The following IPO7 variants were observed in gnomAD, a reference collection of about 807,000 sequenced individuals.
The protein encoded by IPO7 is importin-7.
In IPO7, 13 loss-of-function variants were observed where a neutral mutation model predicts 136.4. The ratio of observed to expected loss-of-function variants is 0.10; its 90% CI spans 0.06 to 0.15. The LOEUF (loss-of-function observed/expected upper bound fraction) is 0.15, where lower values mean the gene tolerates loss of function less well. IPO7 is among the 10% of genes least tolerant of loss of function. The probability of loss-of-function intolerance (pLI) is 1.00; values close to 1 mark genes in which losing one functional copy is unlikely to be tolerated. For synonymous variants in IPO7, 403 were observed against 404.4 expected (o/e 1.00, Z 0.04); for missense variants, 857 against 1,240.6 (o/e 0.69, Z 4.65).
At chr11:9,386,653 T>G (rs563035743) in intron 1 of IPO7, among the ~76,000 whole-genome samples, 1 of 152,302 alleles carries the variant, frequency 6.6e-6, no homozygotes, top group South Asian at 2.1e-4. Context: ...AATTCATTTA[T>G]TCCTCAAATA....
chr11:9,436,385 G>T lies in IPO7; in HGVS notation c.2268+19G>T, dbSNP rs1394335026. 5.2e-6 allele frequency: 8 copies of T among 1,536,630 alleles called. No individual in the cohort carries two copies. ...TGACCAGGTCAGTGAAGCTAATAATGATTTGTAGTTCAGAGGGGTAATCTT... is the reference window on the plus strand; with the variant it reads ...TGACCAGGTCAGTGAAGCTAATAATTATTTGTAGTTCAGAGGGGTAATCTT... On this transcript the variant is annotated intron_variant, in intron 20 of 24. Coordinates refer to ENST00000379719, the MANE Select transcript of IPO7 (RefSeq NM_006391.3).
chr11:9,390,736 G>C (rs967644105), intron 1 of IPO7, among the ~76,000 whole-genome samples: 2 of 139,592 alleles, frequency 1.4e-5, no homozygotes, highest in African/African-American at 5.3e-5. Flanking sequence ...AGGATCGCTC[G>C]TCCAGGAGTT....
At chr11:9,438,999 T>C (rs1487741783) in intron 22 of IPO7, among the ~76,000 whole-genome samples, 2 of 152,176 alleles carry the variant, frequency 1.3e-5, no homozygotes, top group East Asian at 3.9e-4. Context: ...CCCTTTTTTA[T>C]ATGGTGGCAT....
chr11:9,440,637 C>G lies in IPO7; in HGVS notation c.2878C>G (p.Gln960Glu). 6.2e-7 allele frequency: 1 copy of G among 1,612,126 alleles called. No individual in the cohort carries two copies. Among genetic ancestry groups the G allele is most frequent in the Non-Finnish European group, 8.5e-7 (1 of 1,178,344 alleles). ...DDEDNPVDEY[Q>E]IFKAIFQTIQ... The stretch of plus-strand genomic sequence containing the variant: ...TGAAGATAACCCTGTTGATGAGTAT[C>G]AGATATTTAAAGCTATCTTTCAAAG... The change falls in exon 23 of 25, where the codon CAG becomes GAG. Residue 960 changes from glutamine to glutamate, a missense_variant. Transcript: ENST00000379719.
In IPO7 at chr11:9,445,562, A is replaced by C; in HGVS notation, c.*368A>C. On this transcript the variant is annotated 3_prime_UTR_variant, in exon 25 of 25. Coordinates refer to ENST00000379719, the MANE Select transcript of IPO7 (RefSeq NM_006391.3). ...TAGGCATGGGCTACAGGACTATTTA[A>C]AATGTCTCATTTACAGTATAAAACT... The C allele has an allele frequency of 5.9e-6, 1 of 170,762 alleles. No individual in the cohort carries two copies. The allele number at this position is 170,762 out of a possible 1,614,324, so 10.6% of individuals were successfully genotyped here.
At chr11:9,424,522 T>G (rs1394596444) in intron 10 of IPO7, among the ~76,000 whole-genome samples, 1 of 152,140 alleles carries the variant, frequency 6.6e-6, no homozygotes, top group Non-Finnish European at 1.5e-5. Context: ...GGCAGGCAGA[T>G]CGTTTGAGGT....
chr11:9,429,758 C>G lies in IPO7; in HGVS notation c.1676C>G (p.Thr559Ser). 1 of 1,603,196 alleles carries G rather than the reference C, an allele frequency of 6.2e-7. No individual in the cohort carries two copies. Among genetic ancestry groups the G allele is most frequent in the Non-Finnish European group, 8.5e-7 (1 of 1,172,482 alleles). The change falls in exon 15 of 25, where the codon ACC becomes AGC. Residue 559 changes from threonine to serine, a missense_variant. This residue lies in a region of IPO7 where 58 missense variants were observed against 122.1 expected (regional missense o/e 0.47). Coordinates refer to ENST00000379719, the MANE Select transcript of IPO7 (RefSeq NM_006391.3). Reference sequence around the variant, plus strand: ...AGAGAAACAGAAAATGATGACCTTACCAATGTAATTCAGAAAATGATCTGT... The same window carrying G: ...AGAGAAACAGAAAATGATGACCTTAGCAATGTAATTCAGAAAATGATCTGT... ...IIRETENDDL[T>S]NVIQKMICEY...
In IPO7 at chr11:9,397,364, A is replaced by T. The variant is rs1439219699; in HGVS notation, c.85-5926A>T. On this transcript the variant is annotated intron_variant, in intron 1 of 24. Transcript: ENST00000379719. ...AAAATATATATATATATATATATAT[A>T]TTAGTCGGGCACGGTGGCAGGTGCC... is the stretch of plus-strand genomic sequence containing the variant. 4.6e-4 allele frequency among the ~76,000 whole-genome samples: 45 copies of T among 98,304 alleles called. 2 individuals are homozygous for T. The highest frequency in any genetic ancestry group is 1.7e-3 in the African/African-American group (43 of 25,554). 64.5% of individuals were successfully genotyped at this position (98,304 alleles called of 152,430 possible). A position where few individuals can be genotyped will look rare whatever the true frequency, so the allele number is the denominator to read the frequency against.
At chr11:9,408,689 G>GTTTTTTT (rs764755785) in intron 3 of IPO7, 50 bp downstream of exon 3, 1 of 610,724 alleles carries the variant, frequency 1.6e-6, no homozygotes, top group Non-Finnish European at 2.4e-6. Context: ...AACTTTCAGG[G>GTTTTTTT]TTTTTTGTTT....
chr11:9,427,328 T>C (rs781561567), intron 12 of IPO7, among the ~76,000 whole-genome samples: 65 of 152,186 alleles, frequency 4.3e-4, no homozygotes, highest in Non-Finnish European at 9.1e-4. Context: ...TGGCGTGATC[T>C]CTGCTTACTA....
In IPO7 at chr11:9,384,697, G is replaced by A. The variant is rs1175571815; in HGVS notation, c.-67G>A. 6.8e-6 allele frequency: 9 copies of A among 1,327,640 alleles called. No homozygotes were observed. In the Admixed American group the frequency reaches 1.5e-4, roughly 22 times the overall value. The allele number at this position is 1,327,640 out of a possible 1,614,324, so 82.2% of individuals were successfully genotyped here. On this transcript the variant is annotated 5_prime_UTR_variant, in exon 1 of 25. Coordinates refer to ENST00000379719, the MANE Select transcript of IPO7 (RefSeq NM_006391.3). Reference sequence around the variant, plus strand: ...TGCGGAGCGCGGCGGGTCCATGTGCGCAGTGAGTGGCGCTATTCCTGGCCC... The same window carrying A: ...TGCGGAGCGCGGCGGGTCCATGTGCACAGTGAGTGGCGCTATTCCTGGCCC...
In IPO7 at chr11:9,440,481, A is replaced by G; in HGVS notation, c.2722A>G (p.Ile908Val). The G allele has an allele frequency of 6.2e-7, 1 of 1,613,892 alleles. No homozygotes were observed. Among genetic ancestry groups the G allele is most frequent in the Non-Finnish European group, 8.5e-7 (1 of 1,179,792 alleles). Residue 908 changes from isoleucine (I) to valine (V), a missense_variant, in exon 23 of 25, where the codon ATT (isoleucine) becomes GTT (valine). By Grantham distance (29) the Ile-to-Val change is conservative (BLOSUM62 3). Coordinates refer to ENST00000379719, the MANE Select transcript of IPO7 (RefSeq NM_006391.3). ...GGAACTGGGGAGTGATGAAGATGATATTGATGAAGATGGGCAAGAATATTT... is the reference window on the plus strand; with the variant it reads ...GGAACTGGGGAGTGATGAAGATGATGTTGATGAAGATGGGCAAGAATATTT... ...TEELGSDEDD[I>V]DEDGQEYLEI...
At chr11:9,392,741 G>A (rs1434914688) in intron 1 of IPO7, among the ~76,000 whole-genome samples, 1 of 151,946 alleles carries the variant, frequency 6.6e-6, no homozygotes, top group African/African-American at 2.4e-5. Context: ...CTGAGGTCAG[G>A]CGTTTAAGAC....
At chr11:9,414,953 A>G (rs1013428107) in intron 5 of IPO7, among the ~76,000 whole-genome samples, 1 of 151,970 alleles carries the variant, frequency 6.6e-6, no homozygotes, top group East Asian at 1.9e-4. Context: ...CAAATGGGCA[A>G]TGTCAAATTA....
In IPO7 at chr11:9,389,003, A is replaced by G. The variant is rs147141726; in HGVS notation, c.84+4156A>G. On this transcript the variant is annotated intron_variant, in intron 1 of 24. Transcript: ENST00000379719. ...CTGACTTCCTGTTATAATATTAATAAATAACAGTATAGGCTTTAGCTCTTT... is the reference window on the plus strand; with the variant it reads ...CTGACTTCCTGTTATAATATTAATAGATAACAGTATAGGCTTTAGCTCTTT... 2.0e-4 allele frequency among the ~76,000 whole-genome samples: 31 copies of G among 152,096 alleles called. No homozygotes were observed. In the East Asian group the frequency reaches 5.6e-3, roughly 27 times the overall value.
intron 15 of IPO7, chr11:9,430,429 G>C (rs1448287604): frequency 1.3e-5 from 2 of 155,896 alleles, no homozygotes; most frequent in Non-Finnish European, 2.8e-5. Context: ...TACTACCTCG[G>C]GCTGCAGCAT....
chr11:9,431,897 C>T (rs1855299311), intron 16 of IPO7, among the ~76,000 whole-genome samples: 1 of 152,046 alleles, frequency 6.6e-6, no homozygotes, highest in African/African-American at 2.4e-5. Flanking sequence ...ATCACTTGAA[C>T]CCGAGAGGCA....
intron 2 of IPO7, among the ~76,000 whole-genome samples, chr11:9,405,875 C>T (rs181955448): frequency 6.6e-6 from 1 of 151,412 alleles, no homozygotes; most frequent in East Asian, 1.9e-4. Flanking sequence ...TCCCTTCCTC[C>T]TTTCCCTCCT....
chr11:9,400,359 G>C (rs1042743127), intron 1 of IPO7, among the ~76,000 whole-genome samples: 1 of 151,840 alleles, frequency 6.6e-6, no homozygotes, highest in Non-Finnish European at 1.5e-5. Flanking sequence ...GAGCCCGGTT[G>C]TCATATTCAA....
Sources: gnomAD v4.1 joint callset for allele counts (sites outside exome capture counted in the v4.1 genomes callset) on GRCh38, gnomAD v4.1.1 for gene constraint, gnomAD v4.1.1 regional missense constraint, MANE v1.5 for transcripts, NCBI Gene and HGNC (gene_info 2026-07-23, HGNC 2026-07-21) for gene names.